The following ERN1 variants were observed in gnomAD, a reference collection of about 807,000 sequenced individuals.
The protein encoded by ERN1 is serine/threonine-protein kinase/endoribonuclease IRE1.
ERN1 carries 39 observed loss-of-function variants against 113.1 expected under a neutral mutation model. That is an observed-to-expected ratio of 0.34 (90% CI 0.27 to 0.45). The LOEUF (loss-of-function observed/expected upper bound fraction) is 0.45. Ranked by LOEUF, ERN1 falls within the 20% of genes least tolerant of loss-of-function variation. The pLI is 1.00. For missense variants in ERN1, 976 were observed against 1,274.8 expected (o/e 0.77, Z 3.57); for synonymous variants, 507 against 515.9 (o/e 0.98, Z 0.23).
intron 1 of ERN1, among the ~76,000 whole-genome samples, chr17:64,119,511 C>G (rs1218558152): frequency 1.3e-5 from 2 of 150,982 alleles, no homozygotes; most frequent in Admixed American, 6.6e-5. Context: ...GCCTCAGCCT[C>G]CCAAGCAGCT....
In ERN1 at chr17:64,080,792, G is replaced by C. The variant is rs759962078; in HGVS notation, c.192C>G (p.Val64=). Reference sequence around the variant, plus strand: ...AAACTTACTCTTCCACATGTGTTGGGACCTGCAGGACTGGATCTGTGCAAA... The same window carrying C: ...AAACTTACTCTTCCACATGTGTTGGCACCTGCAGGACTGGATCTGTGCAAA... ...WTLKEDPVLQ[V]PTHVEEPAFL... Residue 64 remains valine (V), a synonymous_variant, in exon 3 of 22, where the codon GTC becomes GTG. Coordinates refer to ENST00000433197, the MANE Select transcript of ERN1 (RefSeq NM_001433.5). 1 of 1,610,722 alleles carries C rather than the reference G, an allele frequency of 6.2e-7. No individual in the cohort carries two copies. Among genetic ancestry groups the C allele is most frequent in the Admixed American group, 1.7e-5 (1 of 59,580 alleles).
At chr17:64,053,219 G>A (rs1912743651) in intron 16 of ERN1, 53 bp downstream of exon 16, 1 of 1,461,134 alleles carries the variant, frequency 6.8e-7, no homozygotes, top group African/African-American at 1.4e-5. Flanking sequence ...CCCCACCTGG[G>A]CCACTGATTC....
At chr17:64,072,439 C>T (rs1913449117) in intron 5 of ERN1, among the ~76,000 whole-genome samples, 1 of 152,248 alleles carries the variant, frequency 6.6e-6, no homozygotes, top group Non-Finnish European at 1.5e-5. Flanking sequence ...AAGGGCAATC[C>T]TTTTCCCGTG....
Position 64,068,536 on chromosome 17 carries a change from T to C in ERN1, c.479-245A>G, listed in dbSNP as rs550643623. Among the ~76,000 whole-genome samples, 4 of 152,322 alleles carry C rather than the reference T, an allele frequency of 2.6e-5. No homozygotes were observed. The East Asian group carries it at 7.7e-4, about 29-fold the overall frequency. ...CTCGCTATGCCCTTGGACTCATGGC[T>C]CACAGAAGTGTAAGCAATAGAATGT... On this transcript the variant is annotated intron_variant, in intron 6 of 21. Transcript: ENST00000433197.
Position 64,054,044 on chromosome 17 carries a change from A to C in ERN1, c.1953+206T>G. ...AGCCTTGATCTCCCAGGCTCAAGCA[A>C]TCTTCCCACCTCAGCCTCCCAAGTA... On this transcript the variant is annotated intron_variant, in intron 15 of 21. Transcript: ENST00000433197. The surrounding 1 kb of genome is among the most constrained non-coding windows in gnomAD (Gnocchi z 4.9). 2 of 490,728 alleles carry C rather than the reference A, an allele frequency of 4.1e-6. No homozygotes were observed. The highest frequency in any genetic ancestry group is 3.4e-5 in the Admixed American group (1 of 29,030). The allele number at this position is 490,728 out of a possible 1,614,324, so 30.4% of individuals were successfully genotyped here.
chr17:64,104,727 G>A (rs1379262873), intron 1 of ERN1, among the ~76,000 whole-genome samples: 1 of 152,124 alleles, frequency 6.6e-6, no homozygotes, highest in Non-Finnish European at 1.5e-5. Context: ...ACTGAGTCAG[G>A]AGAATCGCTT....
chr17:64,105,347 A>G (rs1914495765), intron 1 of ERN1, among the ~76,000 whole-genome samples: 1 of 152,074 alleles, frequency 6.6e-6, no homozygotes, highest in African/African-American at 2.4e-5. Flanking sequence ...GGCCTCATGC[A>G]ATCCTTCCAC....
Position 64,076,625 on chromosome 17 carries a change from G to A in ERN1, c.283-1378C>T, listed in dbSNP as rs147555528. ...TCCTCTTTTTTTTTTTTTTTGAGAC[G>A]GAGTCTCACTCTCACCCAGGCTGAA... On this transcript the variant is annotated intron_variant, in intron 4 of 21. Transcript: ENST00000433197. Among the ~76,000 whole-genome samples the A allele has an allele frequency of 5.4e-3, 821 of 150,944 alleles. 3 individuals carry two copies. Among genetic ancestry groups the A allele is most frequent in the South Asian group, 0.014 (66 of 4,772 alleles).
Position 64,072,111 on chromosome 17 carries a change from G to A in ERN1, c.356-8C>T, listed in dbSNP as rs1913439415. The A allele has an allele frequency of 2.5e-6, 4 of 1,612,694 alleles. No individual in the cohort carries two copies. Among genetic ancestry groups the A allele is most frequent in the East Asian group, 4.5e-5 (2 of 44,892 alleles). ...AGATGTCCTGCTTTTTACCTGAAAG[G>A]ACACAAAAACACATCGTCGTTTACA... On this transcript the variant is annotated splice_region_variant and splice_polypyrimidine_tract_variant and intron_variant, in intron 5 of 21. Transcript: ENST00000433197.
intron 19 of ERN1, among the ~76,000 whole-genome samples, chr17:64,047,130 G>A (rs937507324): frequency 3.3e-5 from 5 of 152,116 alleles, no homozygotes; most frequent in Non-Finnish European, 5.9e-5. Flanking sequence ...AGGCTGAGGC[G>A]GGCAGATCAC....
rs61736509 is a variant in ERN1 at position 64,057,960 on chromosome 17, C to T, written c.1240G>A (p.Ala414Thr). The T allele has an allele frequency of 4.3e-3, 6,796 of 1,593,198 alleles. 18 individuals are homozygous for T. Among genetic ancestry groups the T allele is most frequent in the Non-Finnish European group, 5.0e-3 (5,809 of 1,169,998 alleles). ...INLVDQTSENAPTTVSRDVEE... is the reference protein window; with the variant it reads ...INLVDQTSENTPTTVSRDVEE... The stretch of plus-strand genomic sequence containing the variant: ...ACATCCCGAGACACGGTGGTAGGTG[C>T]GTTTTCTGAAGTCTGGTCAACCAGG... The change falls in exon 12 of 22, where the codon GCA becomes ACA. Residue 414 changes from alanine to threonine, a missense_variant. Around this residue, in one of 5 missense-constraint regions of ERN1, gnomAD observed 459 missense variants for 581.2 expected, o/e 0.79. Coordinates refer to ENST00000433197, the MANE Select transcript of ERN1 (RefSeq NM_001433.5).
At chr17:64,066,325 G>A (rs531606498) in intron 8 of ERN1, among the ~76,000 whole-genome samples, 1 of 152,258 alleles carries the variant, frequency 6.6e-6, no homozygotes, top group East Asian at 1.9e-4. Context: ...TGTGGTGGCA[G>A]GGGGAGGGTC....
chr17:64,073,668 T>A (rs1913500996), intron 5 of ERN1, among the ~76,000 whole-genome samples: 1 of 151,732 alleles, frequency 6.6e-6, no homozygotes, highest in Non-Finnish European at 1.5e-5. Flanking sequence ...ATTTTTCGTA[T>A]TTTTAGTAGA....
chr17:64,050,302 C>G (rs546153998), intron 17 of ERN1, among the ~76,000 whole-genome samples: 1 of 152,168 alleles, frequency 6.6e-6, no homozygotes, highest in Admixed American at 6.5e-5. Flanking sequence ...TCACGCCCCC[C>G]ACACTCTCTG....
At position 64,064,077 on chromosome 17, in the gene ERN1, A is replaced by G. The variant is rs1434176443; in HGVS notation, c.996T>C (p.Cys332=). 33 of 1,613,558 alleles carry G rather than the reference A, an allele frequency of 2.0e-5. No homozygotes were observed. The highest frequency in any genetic ancestry group is 2.8e-5 in the Non-Finnish European group (33 of 1,179,678). Residue 332 remains cysteine (C), a synonymous_variant, in exon 10 of 22, where the codon TGT becomes TGC. Coordinates refer to ENST00000433197, the MANE Select transcript of ERN1 (RefSeq NM_001433.5). ...DGVTIGDKGE[C]VITPSTDVKF... is the part of the protein sequence containing the mutation. ...TGACGTCCGTGCTGGGCGTGATCAC[A>G]CACTCCCCCTTGTCCCCAATGGTGA...
intron 11 of ERN1, among the ~76,000 whole-genome samples, chr17:64,060,228 C>G (rs1913008185): frequency 6.6e-6 from 1 of 152,188 alleles, no homozygotes. Context: ...CCAAATCCTA[C>G]CCATTCATCC....
chr17:64,068,437 A>T, intron 6 of ERN1, 146 bp from the exon 7 acceptor site: 1 of 633,422 alleles, frequency 1.6e-6, no homozygotes, highest in Non-Finnish European at 2.8e-6. Context: ...GAGAAAGGCA[A>T]TGTGAGGAGA....
intron 2 of ERN1, among the ~76,000 whole-genome samples, chr17:64,087,908 G>A (rs1041348444): frequency 5.3e-5 from 8 of 152,148 alleles, no homozygotes; most frequent in African/African-American, 1.9e-4. Flanking sequence ...CCTAAATGCA[G>A]GGCTGGCAAA....
intron 2 of ERN1, among the ~76,000 whole-genome samples, chr17:64,094,926 G>A (rs1040754876): frequency 2.0e-5 from 3 of 152,124 alleles, no homozygotes; most frequent in African/African-American, 7.2e-5. Flanking sequence ...AGGACCTAGA[G>A]TAGCATCTGG....
Sources: allele counts gnomAD v4.1 joint callset (sites outside exome capture counted in the v4.1 genomes callset), GRCh38; gene constraint gnomAD v4.1.1; regional missense constraint gnomAD v4.1.1; non-coding constraint Gnocchi (gnomAD v3.1); transcripts MANE v1.5; gene names NCBI Gene and HGNC (gene_info 2026-07-23, HGNC 2026-07-21).